NUP58: variants seen among roughly 807,000 people sequenced by gnomAD.
The protein encoded by NUP58 is nucleoporin p58/p45.
A neutral mutation model predicts 70.1 loss-of-function variants in NUP58; 17 were observed. The ratio of observed to expected loss-of-function variants is 0.24; its 90% CI spans 0.17 to 0.36. The LOEUF (loss-of-function observed/expected upper bound fraction) is 0.36, where lower values mean the gene tolerates loss of function less well. NUP58 is among the 10% of genes least tolerant of loss of function. The probability of loss-of-function intolerance (pLI) is 1.00; values close to 1 mark genes in which losing one functional copy is unlikely to be tolerated. For missense variants in NUP58, 644 were observed against 701.5 expected (o/e 0.92, Z 0.93); for synonymous variants, 275 against 257.6 (o/e 1.07, Z -0.65).
At chr13:25,308,755 G>C (rs1185787942) in intron 2 of NUP58, among the ~76,000 whole-genome samples, 1 of 152,130 alleles carries the variant, frequency 6.6e-6, no homozygotes, top group Non-Finnish European at 1.5e-5. Flanking sequence ...TGTTTCACTG[G>C]AGCTGACCAT....
intron 14 of NUP58, 69 bp from the exon 15 acceptor site, chr13:25,338,567 G>GTACTTGTCCATATCCTTT: frequency 8.8e-7 from 1 of 1,141,138 alleles, no homozygotes; most frequent in Non-Finnish European, 1.3e-6. Flanking sequence ...ATTTTCGGTT[G>GTACTTGTCCATATCCTTT]TACTTGTCCA....
intron 12 of NUP58, among the ~76,000 whole-genome samples, chr13:25,328,032 C>G (rs59647099): frequency 0.021 from 3,208 of 152,036 alleles, 127 homozygotes; most frequent in African/African-American, 0.074. Context: ...AACCCCGTCT[C>G]TACTAAAATT....
chr13:25,327,166 C>CTT lies in NUP58; in HGVS notation c.1150+134_1150+135dup, dbSNP rs924367125. Reference sequence around the variant, plus strand: ...TTTCCTTAAAAGTCATTTACTACTCCTTTATTCCCTATAAATATAATATGC... The same window carrying CTT: ...TTTCCTTAAAAGTCATTTACTACTCCTTTTTATTCCCTATAAATATAATATGC... On this transcript the variant is annotated intron_variant, in intron 11 of 15. Transcript: ENST00000381736. The CTT allele has an allele frequency of 1.0e-5, 6 of 600,044 alleles. No individual in the cohort carries two copies. In the African/African-American group the frequency reaches 1.1e-4, roughly 11 times the overall value. 37.2% of individuals were successfully genotyped at this position (600,044 alleles called of 1,614,324 possible). A position where few individuals can be genotyped will look rare whatever the true frequency, so the allele number is the denominator to read the frequency against.
In NUP58 at chr13:25,325,161, A is replaced by G. The variant is rs1036796653; in HGVS notation, c.1031+93A>G. The G allele has an allele frequency of 1.1e-5, 10 of 893,732 alleles. No homozygotes were observed. The East Asian group carries it at 1.3e-4, about 11-fold the overall frequency. 55.4% of individuals were successfully genotyped at this position (893,732 alleles called of 1,614,324 possible). A position where few individuals can be genotyped will look rare whatever the true frequency, so the allele number is the denominator to read the frequency against. Reference sequence around the variant, plus strand: ...ACAAACTAAATATTTTTAGTATACTATGTGGAAAGGCTGAGCCAATAAGCA... The same window carrying G: ...ACAAACTAAATATTTTTAGTATACTGTGTGGAAAGGCTGAGCCAATAAGCA... On this transcript the variant is annotated intron_variant, in intron 10 of 15. Transcript: ENST00000381736.
In NUP58 at chr13:25,326,985, A is replaced by G. The variant is rs759910475; in HGVS notation, c.1101A>G (p.Leu367=). ...LQQYRQQIEE[L]ENHLATQANN... ...AGTACAGGCAGCAGATTGAAGAACT[A>G]GAAAACCATCTTGCCACTCAAGCAA... The change falls in exon 11 of 16, where the codon CTA becomes CTG. Residue 367 remains leucine (L), a synonymous_variant. Coordinates refer to ENST00000381736, the MANE Select transcript of NUP58 (RefSeq NM_014089.4). The G allele has an allele frequency of 3.7e-6, 6 of 1,607,042 alleles. No individual in the cohort carries two copies. The highest frequency in any genetic ancestry group is 2.7e-5 in the African/African-American group (2 of 74,700).
At chr13:25,324,327 T>C (rs1276119613) in intron 9 of NUP58, among the ~76,000 whole-genome samples, 2 of 152,098 alleles carry the variant, frequency 1.3e-5, no homozygotes, top group African/African-American at 4.8e-5. Context: ...TATAGTGAAA[T>C]GATAGGAATG....
In NUP58 at chr13:25,331,432, G is replaced by A. The variant is rs750168251; in HGVS notation, c.1309G>A (p.Ala437Thr). The A allele has an allele frequency of 1.9e-6, 3 of 1,614,146 alleles. No homozygotes were observed. Among genetic ancestry groups the A allele is most frequent in the African/African-American group, 1.3e-5 (1 of 75,050 alleles). ...DAVDVFETRRAEAKKWQNTPR... is the reference protein window; with the variant it reads ...DAVDVFETRRTEAKKWQNTPR... ...TGTTGATGTGTTTGAAACAAGGCGA[G>A]CAGAAGCCAAGAAGTGGCAGAACAC... The change falls in exon 13 of 16, where the codon GCA becomes ACA. Residue 437 changes from alanine to threonine, a missense_variant. By Grantham distance (58) the Ala-to-Thr change is moderately conservative. Coordinates refer to ENST00000381736, the MANE Select transcript of NUP58 (RefSeq NM_014089.4).
intron 2 of NUP58, among the ~76,000 whole-genome samples, chr13:25,308,973 T>C (rs1489405955): frequency 6.6e-6 from 1 of 152,232 alleles, no homozygotes; most frequent in Non-Finnish European, 1.5e-5. Context: ...TGTTTGGAGT[T>C]GCTTTTTTTG....
intron 13 of NUP58, chr13:25,333,367 C>T (rs768267165): frequency 1.0e-4 from 102 of 985,234 alleles, no homozygotes; most frequent in Admixed American, 3.1e-4. Context: ...GCCTTTTGCT[C>T]ATAGGCTTTA....
intron 13 of NUP58, chr13:25,335,603 T>C (rs2031752326): frequency 1.0e-6 from 1 of 983,336 alleles, no homozygotes; most frequent in African/African-American, 1.7e-5. Flanking sequence ...TTAATAGTAG[T>C]ATAAGAATTC....
intron 3 of NUP58, among the ~76,000 whole-genome samples, chr13:25,310,869 G>C (rs1418296268): frequency 6.6e-6 from 1 of 152,134 alleles, no homozygotes; most frequent in Non-Finnish European, 1.5e-5. Context: ...ATGCAGCCTT[G>C]TGTCTACATA....
intron 4 of NUP58, 61 bp from the exon 5 acceptor site, chr13:25,313,552 AT>A: frequency 7.4e-7 from 1 of 1,349,712 alleles, no homozygotes; most frequent in Non-Finnish European, 9.7e-7. Context: ...TCGTATTTGT[AT>A]TTTTCTATGG....
rs773302383 is a variant in NUP58, at chr13:25,315,435, G to T, written c.653G>T (p.Gly218Val). 1 of 1,613,588 alleles carries T rather than the reference G, an allele frequency of 6.2e-7. No homozygotes were observed. The highest frequency in any genetic ancestry group is 1.7e-5 in the Admixed American group (1 of 60,004). The change falls in exon 6 of 16, where the codon GGT (glycine) becomes GTT (valine). Residue 218 changes from glycine (G) to valine (V), a missense_variant. Transcript: ENST00000381736. ...TSTAGNEGLG[G>V]IDFSSSSDKK... ...ACTGCAGGCAATGAAGGCCTTGGTG[G>T]TATAGATTTCAGTAGCTCCTCAGAT...
chr13:25,343,569 C>T (rs1222199684), downstream of NUP58, among the ~76,000 whole-genome samples: 1 of 150,740 alleles, frequency 6.6e-6, no homozygotes, highest in African/African-American at 2.4e-5. Context: ...TCTCCCTCAG[C>T]CTCTGGAGTA....
At chr13:25,310,603 C>T (rs530768713) in intron 3 of NUP58, among the ~76,000 whole-genome samples, 3 of 144,406 alleles carry the variant, frequency 2.1e-5, no homozygotes, top group South Asian at 4.5e-4. Flanking sequence ...CCTCAAGCCA[C>T]GTGCCCTCTT....
rs1034391431 is a variant in NUP58 at position 25,319,454 on chromosome 13, A to G, written c.710+104A>G. ...AAAGTAAATATCATATACATTTAGG[A>G]GAAAAAACTTTTTTGTAATGGTATT... is the stretch of plus-strand genomic sequence containing the variant. On this transcript the variant is annotated intron_variant, in intron 7 of 15. Transcript: ENST00000381736. The G allele has an allele frequency of 5.6e-6, 6 of 1,068,198 alleles. No individual in the cohort carries two copies. The Admixed American group carries it at 8.7e-5, about 15-fold the overall frequency. 66.2% of individuals were successfully genotyped at this position (1,068,198 alleles called of 1,614,324 possible). A position where few individuals can be genotyped will look rare whatever the true frequency, so the allele number is the denominator to read the frequency against.
At chr13:25,345,401 G>A (rs1377824915), downstream of NUP58, among the ~76,000 whole-genome samples, 1 of 152,328 alleles carries the variant, frequency 6.6e-6, no homozygotes, top group African/African-American at 2.4e-5. Context: ...TCAGGGCAAA[G>A]TAAGGTAAGT....
intron 9 of NUP58, 101 bp from the exon 10 acceptor site, chr13:25,324,888 G>A: frequency 1.3e-6 from 1 of 769,568 alleles, no homozygotes; most frequent in East Asian, 2.5e-5. Context: ...GGTATTGTTT[G>A]AAGTTTCAGT....
chr13:25,304,910 C>T (rs1007866541), intron 1 of NUP58, among the ~76,000 whole-genome samples: 7 of 152,024 alleles, frequency 4.6e-5, no homozygotes, highest in South Asian at 4.1e-4. Flanking sequence ...AATAACAATA[C>T]GATCAGACTA....
Sources: gnomAD v4.1 joint callset for allele counts (sites outside exome capture counted in the v4.1 genomes callset) on GRCh38, gnomAD v4.1.1 for gene constraint, MANE v1.5 for transcripts, NCBI Gene and HGNC (gene_info 2026-07-23, HGNC 2026-07-21) for gene names.